Variants in PSMD12 observed in about 807,000 individuals in gnomAD.
PSMD12 encodes the protein proteasome 26S subunit, non-ATPase 12.
Under a neutral mutation model 62.9 loss-of-function variants are expected in PSMD12, and 8 were observed. The ratio of observed to expected loss-of-function variants is 0.13; its 90% CI spans 0.07 to 0.23. The LOEUF (loss-of-function observed/expected upper bound fraction) is 0.23, where lower values mean the gene tolerates loss of function less well. Among genes scored for constraint, PSMD12 ranks in the 10% least tolerant of loss-of-function variants. PSMD12 has a pLI of 1.00. For synonymous variants in PSMD12, 173 were observed against 187.4 expected (o/e 0.92, Z 0.63); for missense variants, 424 against 550.2 (o/e 0.77, Z 2.29).
At chr17:67,353,504 G>A (rs1278722339) in intron 3 of PSMD12, among the ~76,000 whole-genome samples, 2 of 152,006 alleles carry the variant, frequency 1.3e-5, no homozygotes, top group South Asian at 2.1e-4. Flanking sequence ...ACAGGGTTTC[G>A]CCATGTTGCC....
intron 3 of PSMD12, among the ~76,000 whole-genome samples, chr17:67,350,652 T>G (rs2042008846): frequency 6.6e-6 from 1 of 152,086 alleles, no homozygotes; most frequent in South Asian, 2.1e-4. Context: ...CTGCAGACAC[T>G]GTGACTGAGG....
intron 1 of PSMD12, among the ~76,000 whole-genome samples, chr17:67,360,208 C>T (rs2042116661): frequency 6.6e-6 from 1 of 152,188 alleles, no homozygotes; most frequent in Admixed American, 6.6e-5. Context: ...TGACAGTCAC[C>T]CATCACATTT....
rs1773319928 is a variant in PSMD12, at chr17:67,340,520, T to C, written c.*323A>G. 4.8e-6 allele frequency: 1 copy of C among 206,488 alleles called. No individual in the cohort carries two copies. Among genetic ancestry groups the C allele is most frequent in the Non-Finnish European group, 9.5e-6 (1 of 105,066 alleles). The allele number at this position is 206,488 out of a possible 1,614,324, so 12.8% of individuals were successfully genotyped here. On this transcript the variant is annotated 3_prime_UTR_variant, in exon 11 of 11. Coordinates refer to ENST00000356126, the MANE Select transcript of PSMD12 (RefSeq NM_002816.5). Reference sequence around the variant, plus strand: ...AAAGGAAATATGTATATACTGCTTTTATTATTGGAATATGTTTGTTAGTTG... The same window carrying C: ...AAAGGAAATATGTATATACTGCTTTCATTATTGGAATATGTTTGTTAGTTG...
intron 3 of PSMD12, among the ~76,000 whole-genome samples, chr17:67,356,020 A>G (rs1158443788): frequency 1.3e-5 from 2 of 151,612 alleles, no homozygotes; most frequent in Non-Finnish European, 2.9e-5. Context: ...GCACACACAC[A>G]CAAGATTAAA....
chr17:67,350,300 C>G lies in PSMD12; in HGVS notation c.334G>C (p.Val112Leu). ...AKMVQQCCTY[V>L]EEITDLPIKL... ...ATAGGAAGGTCTGTGATTTCCTCAA[C>G]ATAAGTACAGCACTGTTGAACCATT... The change falls in exon 4 of 11, where the codon GTT becomes CTT. Residue 112 changes from valine to leucine, a missense_variant. By Grantham distance (32) the Val-to-Leu change is conservative (BLOSUM62 1). Coordinates refer to ENST00000356126, the MANE Select transcript of PSMD12 (RefSeq NM_002816.5). 6.2e-7 allele frequency: 1 copy of G among 1,613,126 alleles called. No individual in the cohort carries two copies. The highest frequency in any genetic ancestry group is 8.5e-7 in the Non-Finnish European group (1 of 1,179,638).
intron 3 of PSMD12, among the ~76,000 whole-genome samples, chr17:67,353,814 TGAGA>T (rs1214419840): frequency 6.6e-6 from 1 of 152,194 alleles, no homozygotes; most frequent in African/African-American, 2.4e-5. Context: ...TAGCCAGCGG[TGAGA>T]GAGACTCAAA....
intron 3 of PSMD12, chr17:67,355,296 T>C (rs766838491): frequency 6.6e-6 from 1 of 152,150 alleles, no homozygotes; most frequent in Non-Finnish European, 1.5e-5. Context: ...TTCACAGTAT[T>C]GCCCAGACTG....
intron 3 of PSMD12, among the ~76,000 whole-genome samples, chr17:67,356,012 A>ACACACG (rs1555641681): frequency 2.0e-5 from 3 of 149,548 alleles, no homozygotes; most frequent in African/African-American, 7.5e-5. Context: ...ACACACACGC[A>ACACACG]CACACACACA....
rs139759188 is a variant in PSMD12 at position 67,340,885 on chromosome 17, C to G, written c.1329G>C (p.Thr443=). 5 of 1,592,366 alleles carry G rather than the reference C, an allele frequency of 3.1e-6. No homozygotes were observed. Among genetic ancestry groups the G allele is most frequent in the Non-Finnish European group, 4.3e-6 (5 of 1,173,476 alleles). The change falls in exon 11 of 11, where the codon ACG becomes ACC. Residue 443 remains threonine (T), a synonymous_variant. Coordinates refer to ENST00000356126, the MANE Select transcript of PSMD12 (RefSeq NM_002816.5). The part of the protein sequence containing the change: ...NSLMSLVNKT[T]HLIAKEEMIH... ...TCATCTCCTCTTTGGCTATGAGATG[C>G]GTAGTTTTGTTAACCAGAGACATTA... is the stretch of plus-strand genomic sequence containing the variant.
intron 10 of PSMD12, 133 bp from the exon 11 acceptor site, chr17:67,341,185 T>A (rs1328392118): frequency 1.4e-6 from 1 of 692,608 alleles, no homozygotes; most frequent in Non-Finnish European, 2.3e-6. Context: ...TTAGTAACAC[T>A]CAGCTGGGTG....
At chr17:67,360,456 C>A (rs1005569272) in intron 1 of PSMD12, among the ~76,000 whole-genome samples, 17 of 152,184 alleles carry the variant, frequency 1.1e-4, no homozygotes, top group African/African-American at 3.6e-4. Context: ...CATACTCAAC[C>A]ATACTGACTC....
At chr17:67,343,639 ACT>A (rs1001890359) in intron 9 of PSMD12, among the ~76,000 whole-genome samples, 3 of 152,074 alleles carry the variant, frequency 2.0e-5, no homozygotes, top group African/African-American at 7.2e-5. Context: ...AATATCTGAT[ACT>A]CTTTTTATTT....
rs1212614385 is a variant in PSMD12, at chr17:67,338,474, C to T, written c.*2369G>A. Reference sequence around the variant, plus strand: ...AACACGAAATGGATGAACAGCTGATCGAGTCGAGTGCAATTTGGTCACTGG... The same window carrying T: ...AACACGAAATGGATGAACAGCTGATTGAGTCGAGTGCAATTTGGTCACTGG... On this transcript the variant is annotated 3_prime_UTR_variant, in exon 11 of 11. Coordinates refer to ENST00000356126, the MANE Select transcript of PSMD12 (RefSeq NM_002816.5). 6.6e-6 allele frequency: 1 copy of T among 152,176 alleles called. No individual in the cohort carries two copies. Among genetic ancestry groups the T allele is most frequent in the Non-Finnish European group, 1.5e-5 (1 of 68,042 alleles). The allele number at this position is 152,176 out of a possible 1,614,324, so 9.4% of individuals were successfully genotyped here.
At chr17:67,360,898 A>T (rs565760988) in intron 1 of PSMD12, among the ~76,000 whole-genome samples, 2 of 152,362 alleles carry the variant, frequency 1.3e-5, no homozygotes, top group South Asian at 4.1e-4. Flanking sequence ...TTTGAAGGAC[A>T]CTACCATCAT....
chr17:67,338,040 C>T lies in PSMD12; in HGVS notation c.*2803G>A, dbSNP rs117194520. The stretch of plus-strand genomic sequence containing the variant: ...ATATGTACTTTTATCACATTTAACA[C>T]TTACAAGAGAGAAAATGGAACTGTT... On this transcript the variant is annotated 3_prime_UTR_variant, in exon 11 of 11. Coordinates refer to ENST00000356126, the MANE Select transcript of PSMD12 (RefSeq NM_002816.5). 103 of 152,208 alleles carry T rather than the reference C, an allele frequency of 6.8e-4. 1 individual carries two copies. In the East Asian group the frequency reaches 0.017, roughly 25 times the overall value. 9.4% of individuals were successfully genotyped at this position (152,208 alleles called of 1,614,324 possible).
At chr17:67,356,629 C>G (rs1290368299) in intron 3 of PSMD12, among the ~76,000 whole-genome samples, 1 of 81,298 alleles carries the variant, frequency 1.2e-5, no homozygotes, top group East Asian at 4.0e-4. Context: ...AATTTTGAAA[C>G]AGCATAAAAA....
At chr17:67,350,487 C>A in intron 3 of PSMD12, 151 bp from the exon 4 acceptor site, 1 of 518,894 alleles carries the variant, frequency 1.9e-6, no homozygotes, top group Non-Finnish European at 3.3e-6. Context: ...CGAAATCTCA[C>A]TGATACCTAA....
intron 1 of PSMD12, among the ~76,000 whole-genome samples, chr17:67,363,430 C>T (rs1329962646): frequency 6.6e-6 from 1 of 152,172 alleles, no homozygotes. Flanking sequence ...CAATTTTCAT[C>T]TTCAAATGTC....
chr17:67,345,544 AG>A, intron 8 of PSMD12, 200 bp downstream of exon 8: 1 of 512,470 alleles, frequency 2.0e-6, no homozygotes. Flanking sequence ...CGGAAGGTTG[AG>A]GCAGAAGAAT....
Sources: allele counts gnomAD v4.1 joint callset (sites outside exome capture counted in the v4.1 genomes callset), GRCh38; gene constraint gnomAD v4.1.1; transcripts MANE v1.5; gene names NCBI Gene and HGNC (gene_info 2026-07-23, HGNC 2026-07-21).